The following CYB5B variants were observed in gnomAD, a reference collection of about 807,000 sequenced individuals.
CYB5B encodes cytochrome b5 type B (outer mitochondrial membrane).
CYB5B carries 14 observed loss-of-function variants against 21.3 expected under a neutral mutation model. That is an observed-to-expected ratio of 0.66 (90% CI 0.43 to 1.03). The LOEUF is 1.03. CYB5B is among the 50% of genes least tolerant of loss of function. The pLI is 0.00. For missense variants in CYB5B, 166 were observed against 185.1 expected, an observed-to-expected ratio of 0.90 and a Z score of 0.60; for synonymous variants, 69 against 68.4, an observed-to-expected ratio of 1.01 and a Z score of -0.04.
intron 1 of CYB5B, among the ~76,000 whole-genome samples, chr16:69,429,549 G>A (rs2014684164): frequency 6.6e-6 from 1 of 152,186 alleles, no homozygotes; most frequent in Admixed American, 6.5e-5. Context: ...AGGAAGTCCA[G>A]CTGGCTTTGC....
intron 1 of CYB5B, among the ~76,000 whole-genome samples, chr16:69,446,006 T>C (rs1421877538): frequency 6.6e-6 from 1 of 152,170 alleles, no homozygotes; most frequent in Non-Finnish European, 1.5e-5. Context: ...GTCTTCCTTC[T>C]ACCCTATCTC....
At chr16:69,437,163 C>A (rs533417580) in intron 1 of CYB5B, among the ~76,000 whole-genome samples, 1 of 152,144 alleles carries the variant, frequency 6.6e-6, no homozygotes, top group Non-Finnish European at 1.5e-5. Flanking sequence ...ATGAATAGAT[C>A]ACAATCATTG....
chr16:69,434,421 A>G (rs752701067), intron 1 of CYB5B, among the ~76,000 whole-genome samples: 24 of 152,200 alleles, frequency 1.6e-4, no homozygotes, highest in Non-Finnish European at 2.6e-4. Context: ...ACTAGGTTAT[A>G]TGTCTGTTTA....
At chr16:69,445,568 T>C (rs1250350972) in intron 1 of CYB5B, among the ~76,000 whole-genome samples, 2 of 152,242 alleles carry the variant, frequency 1.3e-5, no homozygotes, top group Admixed American at 6.5e-5. Context: ...CTAAATTTGC[T>C]AATTTAAGTA....
intron 1 of CYB5B, among the ~76,000 whole-genome samples, chr16:69,445,956 C>G (rs2014873736): frequency 6.9e-6 from 1 of 145,382 alleles, no homozygotes; most frequent in East Asian, 2.0e-4. Context: ...AACTCCATCT[C>G]AAAAAAAAAA....
chr16:69,437,313 A>G (rs547111947), intron 1 of CYB5B, among the ~76,000 whole-genome samples: 57 of 152,332 alleles, frequency 3.7e-4, no homozygotes, highest in Non-Finnish European at 7.5e-4. Context: ...TACAAAGGCT[A>G]TTCAGGTTGG....
chr16:69,463,325 G>A lies in CYB5B; in HGVS notation c.*805G>A, dbSNP rs62052769. 8,090 of 152,048 alleles carry A rather than the reference G, an allele frequency of 0.053. 281 individuals carry two copies. The highest frequency in any genetic ancestry group is 0.12 in the Middle Eastern group (34 of 294). The allele number at this position is 152,048 out of a possible 1,614,324, so 9.4% of individuals were successfully genotyped here. On this transcript the variant is annotated 3_prime_UTR_variant, in exon 5 of 5. Coordinates refer to ENST00000307892, the MANE Select transcript of CYB5B (RefSeq NM_030579.3). ...GGACAAAAAACTACATGGCCCTTTC[G>A]TGTCTTGGGGGTGGAAAGGTAGGGA... is the stretch of plus-strand genomic sequence containing the variant.
chr16:69,440,849 G>A (rs1200633222), intron 1 of CYB5B, among the ~76,000 whole-genome samples: 1 of 150,434 alleles, frequency 6.6e-6, no homozygotes, highest in Non-Finnish European at 1.5e-5. Flanking sequence ...TAAAGAGATA[G>A]TGTCTCACTA....
At chr16:69,425,413 T>C (rs1047605547) in intron 1 of CYB5B, among the ~76,000 whole-genome samples, 1 of 146,572 alleles carries the variant, frequency 6.8e-6, no homozygotes, top group Admixed American at 6.7e-5. Context: ...AAATCAACCC[T>C]TTTTTTTTGT....
chr16:69,426,965 C>T (rs533130222), intron 1 of CYB5B, among the ~76,000 whole-genome samples: 2 of 152,018 alleles, frequency 1.3e-5, no homozygotes, highest in South Asian at 4.1e-4. Flanking sequence ...TTTGGCTGGG[C>T]GCAGTGACTC....
chr16:69,440,753 T>TGTGTGTGTGTGTGTGTGTGTGTGTGC (rs2014812454), intron 1 of CYB5B, among the ~76,000 whole-genome samples: 1 of 145,830 alleles, frequency 6.9e-6, no homozygotes, highest in African/African-American at 2.5e-5. Flanking sequence ...TGCGTGTGTG[T>TGTGTGTGTGTGTGTGTGTGTGTGTGC]GTGTGTGTGT....
At chr16:69,458,985 T>C in intron 3 of CYB5B, 108 bp from the exon 4 acceptor site, 1 of 943,404 alleles carries the variant, frequency 1.1e-6, no homozygotes, top group Non-Finnish European at 1.6e-6. Context: ...GAAGTTCTGG[T>C]ATCAGTTACA....
rs778376475 is a variant in CYB5B, at chr16:69,448,096, G to A, written c.304-19G>A. ...TTGGCTATGTCTTAAAATATTATTT[G>A]TTTTCCTTTTTTTGACAGAGTGACC... On this transcript the variant is annotated intron_variant, in intron 2 of 4. Coordinates refer to ENST00000307892, the MANE Select transcript of CYB5B (RefSeq NM_030579.3). 4 of 1,608,634 alleles carry A rather than the reference G, an allele frequency of 2.5e-6. No individual in the cohort carries two copies. Among genetic ancestry groups the A allele is most frequent in the Non-Finnish European group, 3.4e-6 (4 of 1,178,614 alleles).
intron 4 of CYB5B, among the ~76,000 whole-genome samples, chr16:69,460,631 G>C (rs1032064072): frequency 3.3e-5 from 5 of 152,060 alleles, no homozygotes; most frequent in African/African-American, 1.2e-4. Flanking sequence ...AAATTTGATA[G>C]GATGACTTAA....
intron 3 of CYB5B, among the ~76,000 whole-genome samples, chr16:69,458,625 T>G (rs951117635): frequency 4.6e-5 from 7 of 152,192 alleles, no homozygotes; most frequent in Non-Finnish European, 8.8e-5. Flanking sequence ...TATATTTTTG[T>G]GATCTACAAG....
chr16:69,424,897 G>A, intron 1 of CYB5B, 40 bp downstream of exon 1: 2 of 1,508,292 alleles, frequency 1.3e-6, no homozygotes, highest in African/African-American at 1.4e-5. Context: ...AGCTGCTGGG[G>A]CGAGGGGTGA....
At chr16:69,455,298 T>C (rs985907297) in intron 3 of CYB5B, among the ~76,000 whole-genome samples, 1 of 152,144 alleles carries the variant, frequency 6.6e-6, no homozygotes, top group Non-Finnish European at 1.5e-5. Flanking sequence ...TGTGCTCTTC[T>C]CTCATGTTTT....
At chr16:69,431,526 C>G (rs1467348576) in intron 1 of CYB5B, among the ~76,000 whole-genome samples, 2 of 151,968 alleles carry the variant, frequency 1.3e-5, no homozygotes, top group African/African-American at 4.8e-5. Context: ...AATCCCAGCA[C>G]TTTGGGAAGC....
intron 4 of CYB5B, among the ~76,000 whole-genome samples, chr16:69,461,513 G>A (rs1220805508): frequency 1.3e-5 from 2 of 152,156 alleles, no homozygotes; most frequent in African/African-American, 4.8e-5. Flanking sequence ...ACTTCAGCTC[G>A]TTTTATTGAC....
Sources: gnomAD v4.1 joint callset for allele counts (sites outside exome capture counted in the v4.1 genomes callset) on GRCh38, gnomAD v4.1.1 for gene constraint, MANE v1.5 for transcripts, NCBI Gene and HGNC (gene_info 2026-07-23, HGNC 2026-07-21) for gene names.